The following DUXA variants were observed in gnomAD, a reference collection of about 807,000 sequenced individuals.
DUXA encodes the protein double homeobox protein A.
Under a neutral mutation model 27.5 loss-of-function variants are expected in DUXA, and 25 were observed. The ratio of observed to expected loss-of-function variants is 0.91; its 90% CI spans 0.66 to 1.27. The LOEUF (loss-of-function observed/expected upper bound fraction) is 1.27, where lower values mean the gene tolerates loss of function less well. Among genes scored for constraint, DUXA ranks in the 50% most tolerant of loss-of-function variants. DUXA has a pLI of 0.00. For synonymous variants in DUXA, 90 were observed against 80.5 expected, an observed-to-expected ratio of 1.12 and a Z score of -0.63; for missense variants, 247 against 242.9, an observed-to-expected ratio of 1.02 and a Z score of -0.11.
intron 1 of DUXA, among the ~76,000 whole-genome samples, chr19:57,162,298 GA>G (rs1260912274): frequency 6.6e-6 from 1 of 151,908 alleles, no homozygotes; most frequent in African/African-American, 2.4e-5. Context: ...AAATTAGCTG[GA>G]AAAAGAATTT....
chr19:57,160,631 A>C lies in DUXA; in HGVS notation c.180+12T>G. The C allele has an allele frequency of 6.2e-7, 1 of 1,611,580 alleles. No individual in the cohort carries two copies. Among genetic ancestry groups the C allele is most frequent in the Non-Finnish European group, 8.5e-7 (1 of 1,179,784 alleles). ...TTACTTCCAGTCCTGGAGATATTGA[A>C]CTTTAACTTACCTGGATTCTGGACT... is the stretch of plus-strand genomic sequence containing the variant. On this transcript the variant is annotated intron_variant, in intron 2 of 5. Coordinates refer to ENST00000554048, the MANE Select transcript of DUXA (RefSeq NM_001012729.2).
At chr19:57,160,825 A>G (rs1599931443) in intron 1 of DUXA, 28 bp from the exon 2 acceptor site, 1 of 1,611,270 alleles carries the variant, frequency 6.2e-7, no homozygotes, top group Non-Finnish European at 8.5e-7. Context: ...AAGAAGAAGC[A>G]TGTAATAGGT....
intron 2 of DUXA, 63 bp downstream of exon 2, chr19:57,160,580 C>T (rs2087015331): frequency 1.1e-5 from 17 of 1,582,100 alleles, no homozygotes; most frequent in South Asian, 1.0e-4. Flanking sequence ...GTATGGGCTC[C>T]GTTAATGGTT....
intron 3 of DUXA, 128 bp from the exon 4 acceptor site, chr19:57,158,601 G>T (rs1323374923): frequency 2.6e-6 from 3 of 1,160,360 alleles, no homozygotes; most frequent in Non-Finnish European, 3.6e-6. Context: ...CTCCTCCTGA[G>T]AGGATCTTGT....
intron 5 of DUXA, among the ~76,000 whole-genome samples, 181 bp from the exon 6 acceptor site, chr19:57,154,663 A>G (rs949976969): frequency 6.6e-6 from 1 of 151,052 alleles, no homozygotes; most frequent in Non-Finnish European, 1.5e-5. Flanking sequence ...TCCCGGGTTC[A>G]CGCCATGCTC....
rs185042197 is a variant in DUXA at position 57,164,031 on chromosome 19, C to T, written c.26-3234G>A. Among the ~76,000 whole-genome samples, 301 of 152,194 alleles carry T rather than the reference C, an allele frequency of 2.0e-3. 4 individuals carry two copies. The highest frequency in any genetic ancestry group is 3.7e-4 in the Non-Finnish European group (25 of 68,018). On this transcript the variant is annotated intron_variant, in intron 1 of 5. Coordinates refer to ENST00000554048, the MANE Select transcript of DUXA (RefSeq NM_001012729.2). ...AGGAGTTCAAGACTATCCTGGGCAA[C>T]ATAGTGAGACACCATCTAACTCATT...
At chr19:57,161,025 A>C (rs1206702218) in intron 1 of DUXA, among the ~76,000 whole-genome samples, 2 of 151,552 alleles carry the variant, frequency 1.3e-5, no homozygotes, top group African/African-American at 2.4e-5. Flanking sequence ...GTTTTGAAAA[A>C]CCATTAAAAA....
At chr19:57,160,051 G>A (rs2087012489) in intron 2 of DUXA, among the ~76,000 whole-genome samples, 1 of 152,102 alleles carries the variant, frequency 6.6e-6, no homozygotes, top group African/African-American at 2.4e-5. Context: ...GTTTCAGCAA[G>A]CCAAGATCAC....
intron 3 of DUXA, 31 bp downstream of exon 3, chr19:57,159,136 G>T (rs1420922527): frequency 6.3e-7 from 1 of 1,583,544 alleles, no homozygotes; most frequent in Non-Finnish European, 8.6e-7. Context: ...GAGAAGCTCT[G>T]CTGGGGAACA....
At chr19:57,160,520 G>A in intron 2 of DUXA, 123 bp downstream of exon 2, 1 of 1,179,844 alleles carries the variant, frequency 8.5e-7, no homozygotes, top group Admixed American at 2.4e-5. Flanking sequence ...TGGGTTTATT[G>A]AGGGTCAGTT....
chr19:57,155,793 C>A (rs1382105341), intron 4 of DUXA, among the ~76,000 whole-genome samples: 1 of 152,008 alleles, frequency 6.6e-6, no homozygotes, highest in Non-Finnish European at 1.5e-5. Flanking sequence ...CTCAGCCTCC[C>A]AAGCAGCTGG....
chr19:57,159,664 C>T (rs1372093735), intron 2 of DUXA, among the ~76,000 whole-genome samples: 2 of 151,902 alleles, frequency 1.3e-5, no homozygotes, highest in African/African-American at 2.4e-5. Flanking sequence ...CCACCCACCT[C>T]GGCTTCCCAA....
At chr19:57,167,146 T>G (rs2122704234) in intron 1 of DUXA, among the ~76,000 whole-genome samples, 1 of 152,318 alleles carries the variant, frequency 6.6e-6, no homozygotes, top group African/African-American at 2.4e-5. Flanking sequence ...CCTTTTTTTC[T>G]TTTCCACTCC....
At chr19:57,163,829 CA>C (rs1183185238) in intron 1 of DUXA, among the ~76,000 whole-genome samples, 1 of 152,198 alleles carries the variant, frequency 6.6e-6, no homozygotes, top group Non-Finnish European at 1.5e-5. Flanking sequence ...TTTTGTCTTA[CA>C]TTTTTTTCAA....
intron 4 of DUXA, among the ~76,000 whole-genome samples, 177 bp from the exon 5 acceptor site, chr19:57,155,549 G>A (rs1453029939): frequency 6.6e-6 from 1 of 151,644 alleles, no homozygotes; most frequent in Non-Finnish European, 1.5e-5. Context: ...GTAGAGACGA[G>A]GTTTCACCAC....
chr19:57,165,532 A>G lies in DUXA; in HGVS notation c.25+1887T>C, dbSNP rs186434705. Among the ~76,000 whole-genome samples, 1,111 of 151,102 alleles carry G rather than the reference A, an allele frequency of 7.4e-3. 7 individuals carry two copies. The highest frequency in any genetic ancestry group is 0.013 in the South Asian group (62 of 4,780). ...ATTAAAAGCCAGACCCTGGCCGGGC[A>G]CGGTGGCTCACGCCTGTAATCCCAG... On this transcript the variant is annotated intron_variant, in intron 1 of 5. Transcript: ENST00000554048.
intron 2 of DUXA, among the ~76,000 whole-genome samples, chr19:57,160,293 T>C (rs10409145): frequency 0.43 from 64,758 of 152,082 alleles, 15,039 homozygotes; most frequent in South Asian, 0.55. Context: ...AAATAAAAGA[T>C]TGGGCATTCA....
At chr19:57,155,671 A>AGATAGATAGATAGATAGATG (rs2086990005) in intron 4 of DUXA, among the ~76,000 whole-genome samples, 3 of 151,396 alleles carry the variant, frequency 2.0e-5, no homozygotes, top group Admixed American at 6.6e-5. Context: ...ATAGATAGAT[A>AGATAGATAGATAGATAGATG]GATACTTTTT....
intron 4 of DUXA, 81 bp from the exon 5 acceptor site, chr19:57,155,453 TTC>T: frequency 3.4e-6 from 4 of 1,180,786 alleles, no homozygotes; most frequent in Non-Finnish European, 2.4e-6. Context: ...CTTTTTTCTT[TTC>T]TGTTTTTTGA....
Sources: gnomAD v4.1 joint callset for allele counts (sites outside exome capture counted in the v4.1 genomes callset) on GRCh38, gnomAD v4.1.1 for gene constraint, MANE v1.5 for transcripts, NCBI Gene and HGNC (gene_info 2026-07-23, HGNC 2026-07-21) for gene names.